The following ZFHX3 variants were observed in gnomAD, a reference collection of about 807,000 sequenced individuals.
The protein encoded by ZFHX3 is zinc finger homeobox 3.
Under a neutral mutation model 279.1 loss-of-function variants are expected in ZFHX3, and 42 were observed. The ratio of observed to expected loss-of-function variants is 0.15; its 90% CI spans 0.12 to 0.19. The LOEUF is 0.19. Among genes scored for constraint, ZFHX3 ranks in the 10% least tolerant of loss-of-function variants. The probability of loss-of-function intolerance (pLI) is 1.00; values close to 1 mark genes in which losing one functional copy is unlikely to be tolerated. For synonymous variants in ZFHX3, 2,293 were observed against 1,957.8 expected, an observed-to-expected ratio of 1.17 and a Z score of -4.52; for missense variants, 4,981 against 4,754.0, an observed-to-expected ratio of 1.05 and a Z score of -1.40.
chr16:73,353,842 T>C (rs941056405), intron 3 of ZFHX3, among the ~76,000 whole-genome samples: 5 of 152,238 alleles, frequency 3.3e-5, no homozygotes, highest in African/African-American at 4.8e-5. Flanking sequence ...CTTAATATTG[T>C]TATTTTTATT....
At chr16:73,833,990 G>A (rs1961070851) in intron 1 of ZFHX3, among the ~76,000 whole-genome samples, 1 of 151,936 alleles carries the variant, frequency 6.6e-6, no homozygotes, top group Non-Finnish European at 1.5e-5. Flanking sequence ...TTAAGACTCA[G>A]AAAAATTAAA....
intron 2 of ZFHX3, among the ~76,000 whole-genome samples, chr16:73,591,020 T>C (rs148652607): frequency 7.2e-5 from 11 of 151,898 alleles, no homozygotes; most frequent in Admixed American, 7.2e-4. Flanking sequence ...AACCGCAAAA[T>C]CCAAATCTTG....
intron 3 of ZFHX3, among the ~76,000 whole-genome samples, chr16:72,930,494 A>G (rs761449934): frequency 6.6e-6 from 1 of 152,192 alleles, no homozygotes; most frequent in Non-Finnish European, 1.5e-5. Context: ...ATAAGTGCAA[A>G]GTATCTCGAG....
At chr16:73,085,794 T>C (rs916075782) in intron 8 of ZFHX3, among the ~76,000 whole-genome samples, 3 of 152,072 alleles carry the variant, frequency 2.0e-5, no homozygotes, top group Non-Finnish European at 4.4e-5. Flanking sequence ...AATGAGACTT[T>C]AAAAGCACAG....
rs1567409967 is a variant in ZFHX3, at chr16:73,174,311, A to AAC, written c.-1103-30481_-1103-30480insGT. Among the ~76,000 whole-genome samples, 61 of 137,152 alleles carry AAC rather than the reference A, an allele frequency of 4.4e-4. 1 individual carries two copies. Among genetic ancestry groups the AAC allele is most frequent in the African/African-American group, 1.6e-3 (57 of 34,998 alleles). 90.0% of individuals were successfully genotyped at this position (137,152 alleles called of 152,430 possible). A position where few individuals can be genotyped will look rare whatever the true frequency, so the allele number is the denominator to read the frequency against. ...ACAACAACAACAACAACAACAACAAAAGGAGGAATAAGGGCTGCCAAACCG... is the reference window on the plus strand; with the variant it reads ...ACAACAACAACAACAACAACAACAAAACAGGAGGAATAAGGGCTGCCAAACCG... On this transcript the variant is annotated intron_variant, in intron 5 of 17. Coordinates refer to the ZFHX3 transcript ENST00000641206.
chr16:73,016,295 G>A (rs1056257111), intron 1 of ZFHX3, among the ~76,000 whole-genome samples: 17 of 152,042 alleles, frequency 1.1e-4, no homozygotes, highest in African/African-American at 2.9e-4. Flanking sequence ...TTTTAAGGTC[G>A]GAGTAACTAG....
At chr16:72,944,880 A>C (rs371227599) in intron 3 of ZFHX3, among the ~76,000 whole-genome samples, 1 of 152,270 alleles carries the variant, frequency 6.6e-6, no homozygotes, top group African/African-American at 2.4e-5. Context: ...AGCATTTAGA[A>C]AAAAGAGAAT....
intron 2 of ZFHX3, among the ~76,000 whole-genome samples, chr16:73,557,992 C>T (rs1051967421): frequency 2.6e-5 from 4 of 152,216 alleles, no homozygotes; most frequent in South Asian, 2.1e-4. Context: ...AATTATACCT[C>T]AGAAAACCAA....
At chr16:72,831,638 T>C (rs1176983589) in intron 4 of ZFHX3, among the ~76,000 whole-genome samples, 1 of 152,260 alleles carries the variant, frequency 6.6e-6, no homozygotes. Flanking sequence ...ATCTTCATTA[T>C]GTCCAGGTGG....
intron 7 of ZFHX3, among the ~76,000 whole-genome samples, chr16:72,808,637 C>T (rs1393971734): frequency 6.6e-6 from 1 of 152,184 alleles, no homozygotes; most frequent in Non-Finnish European, 1.5e-5. Context: ...TCAGAAATGT[C>T]TAGAAAACAT....
At chr16:73,627,444 A>T (rs1329508397) in intron 2 of ZFHX3, among the ~76,000 whole-genome samples, 1 of 152,238 alleles carries the variant, frequency 6.6e-6, no homozygotes, top group African/African-American at 2.4e-5. Context: ...AGTTTGAGGC[A>T]CAGAGACAGG....
intron 1 of ZFHX3, among the ~76,000 whole-genome samples, chr16:73,842,612 G>A (rs1231692954): frequency 5.9e-5 from 9 of 152,180 alleles, no homozygotes; most frequent in African/African-American, 2.2e-4. Context: ...GCATGTGCGT[G>A]TGTATATGCA....
rs149314532 is a variant in ZFHX3 at position 72,986,926 on chromosome 16, G to A, written c.-49-26732C>T. ...TTTTGGAGGCCGAGTCAGACAGACC[G>A]CTTGAGCCCAGGAGTTTGAGATCAG... On this transcript the variant is annotated intron_variant, in intron 1 of 9. Coordinates refer to ENST00000268489, the MANE Select transcript of ZFHX3 (RefSeq NM_006885.4). Among the ~76,000 whole-genome samples, 775 of 152,192 alleles carry A rather than the reference G, an allele frequency of 5.1e-3. 4 individuals are homozygous for A. Among genetic ancestry groups the A allele is most frequent in the African/African-American group, 0.017 (712 of 41,526 alleles).
In ZFHX3 at chr16:72,786,154, AATCT is replaced by A. The variant is rs1201840735; in HGVS notation, c.*1006_*1009del. 3.3e-5 allele frequency: 5 copies of A among 152,378 alleles called. No individual in the cohort carries two copies. The highest frequency in any genetic ancestry group is 5.9e-5 in the Non-Finnish European group (4 of 68,028). 9.4% of individuals were successfully genotyped at this position (152,378 alleles called of 1,614,324 possible). ...AAGCTTAGGCGAATCAACGGATTGC[AATCT>A]ATCATCTGCTAGGAATGAACAAGAC... On this transcript the variant is annotated 3_prime_UTR_variant, in exon 10 of 10. Coordinates refer to ENST00000268489, the MANE Select transcript of ZFHX3 (RefSeq NM_006885.4).
chr16:72,877,375 G>C (rs201336386), intron 4 of ZFHX3, among the ~76,000 whole-genome samples: 1 of 28,518 alleles, frequency 3.5e-5, no homozygotes, highest in East Asian at 1.0e-3. Context: ...GTTGTTGTTG[G>C]TGTTGTTGTT....
At chr16:73,557,622 T>C (rs943920575) in intron 2 of ZFHX3, among the ~76,000 whole-genome samples, 12 of 152,156 alleles carry the variant, frequency 7.9e-5, no homozygotes, top group African/African-American at 2.4e-4. Flanking sequence ...ATGGTGCTGT[T>C]GGGAGTGTAG....
intron 2 of ZFHX3, among the ~76,000 whole-genome samples, chr16:73,474,939 C>A (rs547195900): frequency 7.2e-5 from 11 of 152,224 alleles, no homozygotes; most frequent in African/African-American, 2.4e-4. Flanking sequence ...CCAAATGGGG[C>A]TGGGAGGAGT....
chr16:72,798,732 A>G lies in ZFHX3; in HGVS notation c.3968-18T>C, dbSNP rs1441855073. The G allele has an allele frequency of 1.3e-6, 2 of 1,520,258 alleles. No individual in the cohort carries two copies. Among genetic ancestry groups the G allele is most frequent in the Non-Finnish European group, 1.8e-6 (2 of 1,142,444 alleles). The allele number at this position is 1,520,258 out of a possible 1,614,324, so 94.2% of individuals were successfully genotyped here. A position where few individuals can be genotyped will look rare whatever the true frequency, so the allele number is the denominator to read the frequency against. The stretch of plus-strand genomic sequence containing the variant: ...TGAGGTTTCTGTTAAAAAAAAAAAA[A>G]AAATCAAACCCAAAGATAAAGAAGG... On this transcript the variant is annotated intron_variant, in intron 8 of 9. Coordinates refer to ENST00000268489, the MANE Select transcript of ZFHX3 (RefSeq NM_006885.4).
At chr16:73,467,788 G>C (rs923150292) in intron 2 of ZFHX3, among the ~76,000 whole-genome samples, 2 of 152,292 alleles carry the variant, frequency 1.3e-5, no homozygotes, top group East Asian at 1.9e-4. Context: ...TATCCCAAAA[G>C]AGCAGCTGGC....
Sources: gnomAD v4.1 joint callset for allele counts (sites outside exome capture counted in the v4.1 genomes callset) on GRCh38, gnomAD v4.1.1 for gene constraint, MANE v1.5 for transcripts, NCBI Gene and HGNC (gene_info 2026-07-23, HGNC 2026-07-21) for gene names.